The following ACSM3 variants were observed in gnomAD, a reference collection of about 807,000 sequenced individuals.
ACSM3 encodes acyl-coenzyme A synthetase ACSM3, mitochondrial.
Under a neutral mutation model 74.1 loss-of-function variants are expected in ACSM3, and 61 were observed. The ratio of observed to expected loss-of-function variants is 0.82; its 90% CI spans 0.67 to 1.02. The LOEUF (loss-of-function observed/expected upper bound fraction) is 1.02, where lower values mean the gene tolerates loss of function less well. Ranked by LOEUF, ACSM3 falls within the 50% of genes least tolerant of loss-of-function variation. ACSM3 has a pLI of 0.00. For synonymous variants in ACSM3, 213 were observed against 241.5 expected (o/e 0.88, Z 1.09); for missense variants, 660 against 697.0 (o/e 0.95, Z 0.60).
intron 1 of ACSM3, among the ~76,000 whole-genome samples, chr16:20,717,901 G>A (rs1161350396): frequency 7.1e-6 from 1 of 141,338 alleles, no homozygotes; most frequent in Non-Finnish European, 1.5e-5. Flanking sequence ...GAAGGAGAAG[G>A]AGGAAAAAAA....
At chr16:20,686,030 C>T (rs1307212913) in intron 1 of ACSM3, among the ~76,000 whole-genome samples, 1 of 151,822 alleles carries the variant, frequency 6.6e-6, no homozygotes, top group Non-Finnish European at 1.5e-5. Flanking sequence ...TTCTCTGTGC[C>T]TTAGTTTCTC....
intron 1 of ACSM3, among the ~76,000 whole-genome samples, chr16:20,684,952 T>G (rs2079519484): frequency 6.6e-6 from 1 of 151,970 alleles, no homozygotes; most frequent in Non-Finnish European, 1.5e-5. Context: ...TGAGGGAGTA[T>G]GAGAAAGACA....
intron 2 of ACSM3, among the ~76,000 whole-genome samples, chr16:20,773,668 A>G (rs1245415178): frequency 6.6e-6 from 1 of 152,150 alleles, no homozygotes; most frequent in African/African-American, 2.4e-5. Context: ...ACAGTTTTCC[A>G]AAGTTCCTCT....
rs200509570 is a variant in ACSM3, at chr16:20,790,802, T to G, written c.1326+114T>G. On this transcript the variant is annotated intron_variant, in intron 10 of 13. Coordinates refer to ENST00000289416, the MANE Select transcript of ACSM3 (RefSeq NM_005622.4). This position sits in a 1 kb window ranked among gnomAD's most constrained non-coding sequence, Gnocchi z 4.0. ...AGGTACTTGACCCTTTCTTGAGAGA[T>G]TGGTTGTCCTGAATAGTAATCCAAA... 2.5e-6 allele frequency: 4 copies of G among 1,613,358 alleles called. No homozygotes were observed. The East Asian group carries it at 8.9e-5, about 36-fold the overall frequency.
At chr16:20,707,052 A>G (rs1284198629) in intron 1 of ACSM3, among the ~76,000 whole-genome samples, 2 of 152,078 alleles carry the variant, frequency 1.3e-5, no homozygotes, top group Admixed American at 6.5e-5. Context: ...TCACATTGCA[A>G]ATCCTGAAAT....
rs1028075901 is a variant in ACSM3, at chr16:20,788,523, C to T, written c.1225-2064C>T. On this transcript the variant is annotated intron_variant, in intron 9 of 13. Transcript: ENST00000289416. ...TCATTTTTAACTCTTTTCCACGGGC[C>T]GTTATTATGGGGCTTCTTGTTCCTT... Among the ~76,000 whole-genome samples, 10 of 152,236 alleles carry T rather than the reference C, an allele frequency of 6.6e-5. No homozygotes were observed. In the South Asian group the frequency reaches 8.3e-4, roughly 13 times the overall value.
intron 1 of ACSM3, among the ~76,000 whole-genome samples, chr16:20,677,442 A>G (rs1160268993): frequency 6.6e-6 from 1 of 152,194 alleles, no homozygotes; most frequent in Non-Finnish European, 1.5e-5. Flanking sequence ...AATAGCTGCC[A>G]CTGCCCTACT....
chr16:20,791,617 T>G (rs1310175399), intron 10 of ACSM3, among the ~76,000 whole-genome samples: 1 of 152,178 alleles, frequency 6.6e-6, no homozygotes, highest in Admixed American at 6.5e-5. Context: ...CTTTTCTGCT[T>G]CCTTGAACAT....
chr16:20,739,727 A>G (rs1691652733), intron 1 of ACSM3, among the ~76,000 whole-genome samples: 1 of 151,892 alleles, frequency 6.6e-6, no homozygotes, highest in Non-Finnish European at 1.5e-5. Flanking sequence ...AGGCTGAGGC[A>G]GGAGAATCGC....
At chr16:20,719,361 T>C in intron 1 of ACSM3, 1 of 250,914 alleles carries the variant, frequency 4.0e-6, no homozygotes, top group Admixed American at 4.1e-5. Flanking sequence ...GATGGCACAG[T>C]TTGACATTGA....
intron 1 of ACSM3, among the ~76,000 whole-genome samples, chr16:20,725,001 T>C (rs1162003926): frequency 6.6e-6 from 1 of 152,160 alleles, no homozygotes; most frequent in African/African-American, 2.4e-5. Context: ...AAGCTACCAA[T>C]GACTTTCTTC....
At chr16:20,695,825 G>A (rs2079687076) in intron 1 of ACSM3, among the ~76,000 whole-genome samples, 1 of 151,922 alleles carries the variant, frequency 6.6e-6, no homozygotes, top group South Asian at 2.1e-4. Flanking sequence ...ATCTATTTCT[G>A]TATCTATATA....
intron 1 of ACSM3, chr16:20,711,547 A>G: frequency 1.4e-6 from 2 of 1,426,758 alleles, no homozygotes; most frequent in Non-Finnish European, 1.9e-6. Context: ...ATCCAAGGCC[A>G]AGTGCATTGT....
At chr16:20,720,388 G>A (rs1445108100) in intron 1 of ACSM3, among the ~76,000 whole-genome samples, 3 of 152,152 alleles carry the variant, frequency 2.0e-5, no homozygotes, top group Admixed American at 2.0e-4. Context: ...TAGATCTCTC[G>A]CATGTACAGT....
At chr16:20,742,177 C>A in intron 1 of ACSM3, 3 of 659,674 alleles carry the variant, frequency 4.5e-6, no homozygotes, top group Non-Finnish European at 6.5e-6. Flanking sequence ...GGTCAAGTCC[C>A]GTAACAGGTT....
In ACSM3 at chr16:20,790,442, G is replaced by A. The variant is rs1316290079; in HGVS notation, c.1225-145G>A. The A allele has an allele frequency of 2.8e-6, 2 of 716,958 alleles. No individual in the cohort carries two copies. Among genetic ancestry groups the A allele is most frequent in the Non-Finnish European group, 4.7e-6 (2 of 425,558 alleles). 44.4% of individuals were successfully genotyped at this position (716,958 alleles called of 1,614,324 possible). A position where few individuals can be genotyped will look rare whatever the true frequency, so the allele number is the denominator to read the frequency against. On this transcript the variant is annotated intron_variant, in intron 9 of 13. Coordinates refer to ENST00000289416, the MANE Select transcript of ACSM3 (RefSeq NM_005622.4). The surrounding 1 kb of genome is among the most constrained non-coding windows in gnomAD (Gnocchi z 4.0). ...ACTGCACTCCAGCCTGGGTGACAAA[G>A]TGAGACCTTGTCTCACACACACAAA...
chr16:20,747,943 C>T (rs2079964730), intron 1 of ACSM3, among the ~76,000 whole-genome samples: 1 of 152,126 alleles, frequency 6.6e-6, no homozygotes, highest in South Asian at 2.1e-4. Context: ...GAGTTCCAGA[C>T]CAACCTGGGC....
chr16:20,788,963 T>C (rs2080533737), intron 9 of ACSM3, among the ~76,000 whole-genome samples: 1 of 152,176 alleles, frequency 6.6e-6, no homozygotes, highest in South Asian at 2.1e-4. Context: ...CCCTTTCCTT[T>C]TGGAAAGTGC....
At chr16:20,715,161 T>A (rs1024174948) in intron 1 of ACSM3, among the ~76,000 whole-genome samples, 1 of 152,148 alleles carries the variant, frequency 6.6e-6, no homozygotes, top group Non-Finnish European at 1.5e-5. Flanking sequence ...AATCCCCCTC[T>A]CTCTAGCCCA....
Sources: allele counts gnomAD v4.1 joint callset (sites outside exome capture counted in the v4.1 genomes callset), GRCh38; gene constraint gnomAD v4.1.1; non-coding constraint Gnocchi (gnomAD v3.1); transcripts MANE v1.5; gene names NCBI Gene and HGNC (gene_info 2026-07-23, HGNC 2026-07-21).